LEPR: variants seen among roughly 807,000 people sequenced by gnomAD.
LEPR encodes leptin receptor.
LEPR carries 56 observed loss-of-function variants against 114.7 expected under a neutral mutation model. That is an observed-to-expected ratio of 0.49 (90% CI 0.39 to 0.61). The LOEUF (loss-of-function observed/expected upper bound fraction) is 0.61, where lower values mean the gene tolerates loss of function less well. Among genes scored for constraint, LEPR ranks in the 20% least tolerant of loss-of-function variants. LEPR has a pLI of 0.00. For synonymous variants in LEPR, 443 were observed against 461.4 expected (o/e 0.96, Z 0.51); for missense variants, 1,202 against 1,352.9 (o/e 0.89, Z 1.75).
At chr1:65,576,312 T>A (rs1329734224) in intron 5 of LEPR, 1 of 152,784 alleles carries the variant, frequency 6.5e-6, no homozygotes, top group Non-Finnish European at 1.5e-5. Flanking sequence ...GTGGGTCTGA[T>A]GAGCTAGTTT....
chr1:65,529,291 C>T (rs866711398), intron 2 of LEPR, among the ~76,000 whole-genome samples: 12 of 151,894 alleles, frequency 7.9e-5, no homozygotes, highest in Admixed American at 3.3e-4. Flanking sequence ...GAGGCTGAGA[C>T]GGGTGGATCA....
chr1:65,633,996 C>T lies in LEPR; in HGVS notation c.2674-2195C>T. On this transcript the variant is annotated intron_variant, in intron 19 of 19. Coordinates refer to ENST00000349533, the MANE Select transcript of LEPR (RefSeq NM_002303.6). The surrounding 1 kb of genome is among the most constrained non-coding windows in gnomAD (Gnocchi z 4.1). ...ATCTAATTTACTTCCACTGAACCAT[C>T]CAAGACCTCTGGCAGGCAGGGAAAT... 3 of 985,326 alleles carry T rather than the reference C, an allele frequency of 3.0e-6. No individual in the cohort carries two copies. The highest frequency in any genetic ancestry group is 3.6e-6 in the Non-Finnish European group (3 of 829,902). 61.0% of individuals were successfully genotyped at this position (985,326 alleles called of 1,614,324 possible). A position where few individuals can be genotyped will look rare whatever the true frequency, so the allele number is the denominator to read the frequency against.
At chr1:65,542,851 T>C (rs1315864242) in intron 2 of LEPR, among the ~76,000 whole-genome samples, 1 of 152,050 alleles carries the variant, frequency 6.6e-6, no homozygotes, top group East Asian at 1.9e-4. Context: ...ATTTTCTTTA[T>C]CCAGTCTATC....
chr1:65,624,205 T>C (rs565666626), intron 19 of LEPR, among the ~76,000 whole-genome samples: 1 of 152,324 alleles, frequency 6.6e-6, no homozygotes, highest in East Asian at 1.9e-4. Context: ...GCTTACCTTA[T>C]TAGGTTGTTT....
intron 2 of LEPR, among the ~76,000 whole-genome samples, chr1:65,480,283 G>A (rs1479500084): frequency 6.6e-6 from 1 of 152,122 alleles, no homozygotes; most frequent in African/African-American, 2.4e-5. Flanking sequence ...GGTTTTTGAG[G>A]AAGAATACAC....
chr1:65,551,446 A>G (rs1241381559), intron 2 of LEPR, among the ~76,000 whole-genome samples: 4 of 151,994 alleles, frequency 2.6e-5, no homozygotes, highest in Non-Finnish European at 4.4e-5. Context: ...TGGGAGGTGT[A>G]TGGGTCTAGG....
chr1:65,448,520 A>G (rs1346569983), intron 2 of LEPR, among the ~76,000 whole-genome samples: 3 of 152,190 alleles, frequency 2.0e-5, no homozygotes, highest in African/African-American at 7.2e-5. Context: ...GTAATAAGGT[A>G]ATGCTGGCCT....
At chr1:65,459,045 A>G (rs1646912597) in intron 2 of LEPR, among the ~76,000 whole-genome samples, 1 of 152,182 alleles carries the variant, frequency 6.6e-6, no homozygotes, top group African/African-American at 2.4e-5. Context: ...ATGTAAATAC[A>G]CCTTTAGTGT....
Position 65,443,967 on chromosome 1 carries a change from T to A in LEPR, c.-21+18589T>A, listed in dbSNP as rs1319522889. On this transcript the variant is annotated intron_variant, in intron 2 of 19. Transcript: ENST00000349533. ...GACCTGATACTTTTTTTTTTTTTTT[T>A]TTTTTATACTCTAAGTTTTAGGGTA... Among the ~76,000 whole-genome samples the A allele has an allele frequency of 6.5e-5, 2 of 30,806 alleles. 1 individual carries two copies. The highest frequency in any genetic ancestry group is 2.0e-4 in the African/African-American group (2 of 10,118). 20.2% of individuals were successfully genotyped at this position (30,806 alleles called of 152,430 possible).
At chr1:65,547,016 AG>A (rs1396875199) in intron 2 of LEPR, among the ~76,000 whole-genome samples, 2 of 152,124 alleles carry the variant, frequency 1.3e-5, no homozygotes, top group Non-Finnish European at 2.9e-5. Context: ...TTTAGCATGA[AG>A]GGTTGTTGAA....
chr1:65,434,076 A>G (rs1207319977), intron 2 of LEPR: 1 of 985,356 alleles, frequency 1.0e-6, no homozygotes, highest in Non-Finnish European at 1.2e-6. Context: ...TAGCCTTCAT[A>G]TGTAGCCTTA....
intron 2 of LEPR, among the ~76,000 whole-genome samples, chr1:65,505,422 T>C (rs899494557): frequency 2.6e-5 from 4 of 152,218 alleles, no homozygotes; most frequent in African/African-American, 9.6e-5. Flanking sequence ...TATGCTTTGG[T>C]GGATTCCACC....
chr1:65,474,349 C>T (rs1647128849), intron 2 of LEPR, among the ~76,000 whole-genome samples: 2 of 152,194 alleles, frequency 1.3e-5, no homozygotes, highest in South Asian at 2.1e-4. Flanking sequence ...ATTTTTCATA[C>T]TTTTAAAACT....
chr1:65,496,709 A>G (rs1013932547), intron 2 of LEPR, among the ~76,000 whole-genome samples: 8 of 152,202 alleles, frequency 5.3e-5, no homozygotes, highest in African/African-American at 1.4e-4. Context: ...TATCCTTTCT[A>G]TCACATTCCT....
chr1:65,540,105 G>A (rs923663327), intron 2 of LEPR, among the ~76,000 whole-genome samples: 4 of 152,118 alleles, frequency 2.6e-5, no homozygotes. Flanking sequence ...GTGAGGAGGT[G>A]AATTACATAC....
chr1:65,427,877 G>A (rs1646411152), intron 2 of LEPR: 2 of 248,368 alleles, frequency 8.1e-6, no homozygotes, highest in South Asian at 8.1e-5. Flanking sequence ...CTGGCCTCAA[G>A]TCATCCTCCT....
At chr1:65,518,030 C>T (rs1038938544) in intron 2 of LEPR, among the ~76,000 whole-genome samples, 1 of 152,152 alleles carries the variant, frequency 6.6e-6, no homozygotes, top group African/African-American at 2.4e-5. Context: ...ATTTGGTATG[C>T]CTATTAAAAT....
chr1:65,552,573 C>T (rs1652476035), intron 2 of LEPR, among the ~76,000 whole-genome samples: 1 of 152,120 alleles, frequency 6.6e-6, no homozygotes. Context: ...AAATATTCCT[C>T]CATCCCTTTA....
chr1:65,565,733 T>G, intron 3 of LEPR, 128 bp downstream of exon 3: 1 of 1,258,534 alleles, frequency 7.9e-7, no homozygotes. Context: ...CATACATGCT[T>G]ATGATTAAAA....
Sources: gnomAD v4.1 joint callset for allele counts (sites outside exome capture counted in the v4.1 genomes callset) on GRCh38, gnomAD v4.1.1 for gene constraint, Gnocchi (gnomAD v3.1) non-coding constraint, MANE v1.5 for transcripts, NCBI Gene and HGNC (gene_info 2026-07-23, HGNC 2026-07-21) for gene names.